The following EML5 variants were observed in gnomAD, a reference collection of about 807,000 sequenced individuals.
EML5 encodes echinoderm microtubule-associated protein-like 5.
In EML5, 120 loss-of-function variants were observed where a neutral mutation model predicts 250.0. The observed-to-expected ratio is 0.48, with a 90% CI of 0.41 to 0.56. The LOEUF (loss-of-function observed/expected upper bound fraction) is 0.56, where lower values mean the gene tolerates loss of function less well. Ranked by LOEUF, EML5 falls within the 20% of genes least tolerant of loss-of-function variation. The pLI is 0.00. For synonymous variants in EML5, 771 were observed against 806.5 expected (o/e 0.96, Z 0.75); for missense variants, 2,006 against 2,437.6 (o/e 0.82, Z 3.73).
At position 88,754,492 on chromosome 14, in the gene EML5, A is replaced by G; in HGVS notation, c.357+20T>C. 6.4e-7 allele frequency: 1 copy of G among 1,562,632 alleles called. No homozygotes were observed. Among genetic ancestry groups the G allele is most frequent in the Non-Finnish European group, 8.6e-7 (1 of 1,161,770 alleles). Reference sequence around the variant, plus strand: ...TACCTTAACATACAATTTAGAAAAAAATGAAAAACTGTCACATACCTGTCC... The same window carrying G: ...TACCTTAACATACAATTTAGAAAAAGATGAAAAACTGTCACATACCTGTCC... On this transcript the variant is annotated intron_variant, in intron 2 of 43. Transcript: ENST00000554922.
rs1361387750 is a variant in EML5, at chr14:88,615,814, T to C, written c.*4A>G. 1 of 1,611,132 alleles carries C rather than the reference T, an allele frequency of 6.2e-7. No homozygotes were observed. The highest frequency in any genetic ancestry group is 1.7e-5 in the Admixed American group (1 of 59,724). ...GTTAATTTCTGTAGTCATCTCAGCA[T>C]CTCTCAGTGAGGTGTATGTACACAT... is the stretch of plus-strand genomic sequence containing the variant. On this transcript the variant is annotated 3_prime_UTR_variant, in exon 44 of 44. Coordinates refer to ENST00000554922, the MANE Select transcript of EML5 (RefSeq NM_183387.3).
At chr14:88,777,827 T>G (rs985545859) in intron 1 of EML5, among the ~76,000 whole-genome samples, 3 of 152,060 alleles carry the variant, frequency 2.0e-5, no homozygotes, top group African/African-American at 7.2e-5. Context: ...CTACAAAAAT[T>G]AGCTGGACAT....
At chr14:88,753,833 G>A (rs1309158780) in intron 2 of EML5, among the ~76,000 whole-genome samples, 1 of 152,006 alleles carries the variant, frequency 6.6e-6, no homozygotes, top group African/African-American at 2.4e-5. Flanking sequence ...AACCTTTAAG[G>A]TAACTGAAAA....
At chr14:88,651,497 G>T (rs2091624570) in intron 27 of EML5, among the ~76,000 whole-genome samples, 1 of 151,728 alleles carries the variant, frequency 6.6e-6, no homozygotes, top group Admixed American at 6.6e-5. Flanking sequence ...GCAGACTACA[G>T]ATTAAAATTA....
chr14:88,664,286 A>G (rs1159319870), intron 23 of EML5, among the ~76,000 whole-genome samples: 5 of 151,518 alleles, frequency 3.3e-5, no homozygotes, highest in Admixed American at 1.3e-4. Flanking sequence ...AAAAAAAAAA[A>G]AAAAGAAAAG....
At chr14:88,696,796 G>T in intron 15 of EML5, 51 bp downstream of exon 15, 1 of 1,303,792 alleles carries the variant, frequency 7.7e-7, no homozygotes, top group Non-Finnish European at 1.1e-6. Flanking sequence ...AAAATGCTAT[G>T]TGTTGCCTCT....
chr14:88,656,126 C>T (rs951600076), intron 27 of EML5, among the ~76,000 whole-genome samples: 7 of 152,116 alleles, frequency 4.6e-5, no homozygotes, highest in African/African-American at 7.2e-5. Flanking sequence ...GGTATATACC[C>T]AAAGGATTAT....
At chr14:88,678,105 G>A (rs1203368768) in intron 21 of EML5, among the ~76,000 whole-genome samples, 2 of 152,202 alleles carry the variant, frequency 1.3e-5, no homozygotes, top group African/African-American at 4.8e-5. Flanking sequence ...GGGATACTAT[G>A]CAGCCATAAA....
At chr14:88,743,102 G>A (rs1278479248) in intron 4 of EML5, among the ~76,000 whole-genome samples, 1 of 152,020 alleles carries the variant, frequency 6.6e-6, no homozygotes, top group Non-Finnish European at 1.5e-5. Flanking sequence ...GCTTTCATAA[G>A]CAAAGTAAAT....
chr14:88,673,068 G>C (rs1436905089), intron 21 of EML5, among the ~76,000 whole-genome samples: 1 of 151,988 alleles, frequency 6.6e-6, no homozygotes, highest in Non-Finnish European at 1.5e-5. Flanking sequence ...ACCAAAACCT[G>C]GCAGAGATGC....
intron 1 of EML5, among the ~76,000 whole-genome samples, chr14:88,774,261 C>T (rs961766499): frequency 1.3e-5 from 2 of 152,248 alleles, no homozygotes; most frequent in Non-Finnish European, 2.9e-5. Context: ...CAGGTGATGC[C>T]GTTGCTAGTC....
At chr14:88,653,074 G>T (rs1398500618) in intron 27 of EML5, among the ~76,000 whole-genome samples, 1 of 152,128 alleles carries the variant, frequency 6.6e-6, no homozygotes, top group Non-Finnish European at 1.5e-5. Context: ...GTGAATGGGA[G>T]TTCACTCATG....
intron 1 of EML5, among the ~76,000 whole-genome samples, chr14:88,761,899 G>C (rs2094249635): frequency 6.6e-6 from 1 of 152,184 alleles, no homozygotes. Context: ...ACTCGTATGA[G>C]ATGATATCAT....
chr14:88,736,629 C>A, intron 6 of EML5, 64 bp from the exon 7 acceptor site: 1 of 1,516,852 alleles, frequency 6.6e-7, no homozygotes, highest in Non-Finnish European at 9.1e-7. Flanking sequence ...AGGAGGCAGA[C>A]AAATCCCTAT....
rs184637773 is a variant in EML5 at position 88,706,573 on chromosome 14, G to A, written c.1658-147C>T. 1.1e-3 allele frequency: 634 copies of A among 590,292 alleles called. 9 individuals are homozygous for A. The East Asian group carries it at 0.019, about 17-fold the overall frequency. 36.6% of individuals were successfully genotyped at this position (590,292 alleles called of 1,614,324 possible). ...ATGCTGACTCAAAAATTGAACAAAT[G>A]AATGAATCTGTATCAAGGAATGCAA... On this transcript the variant is annotated intron_variant, in intron 10 of 43. Transcript: ENST00000554922.
chr14:88,750,298 G>A (rs2094073078), intron 2 of EML5, among the ~76,000 whole-genome samples: 1 of 151,962 alleles, frequency 6.6e-6, no homozygotes, highest in Admixed American at 6.6e-5. Flanking sequence ...ACTTCACAGG[G>A]GTCACTATGA....
intron 21 of EML5, among the ~76,000 whole-genome samples, chr14:88,677,328 A>G (rs564063032): frequency 2.0e-5 from 3 of 152,336 alleles, no homozygotes; most frequent in African/African-American, 7.2e-5. Flanking sequence ...ACTTAAATGT[A>G]AAACCCAAAA....
In EML5 at chr14:88,720,677, T is replaced by C. The variant is rs113517686; in HGVS notation, c.1188-5482A>G. Among the ~76,000 whole-genome samples the C allele has an allele frequency of 3.2e-4, 49 of 152,324 alleles. No homozygotes were observed. In the East Asian group the frequency reaches 5.2e-3, roughly 16 times the overall value. ...AACCCACAGCCAATATCATACTGAATGTGCAAAAGCTGGAAACATTGCCCT... is the reference window on the plus strand; with the variant it reads ...AACCCACAGCCAATATCATACTGAACGTGCAAAAGCTGGAAACATTGCCCT... On this transcript the variant is annotated intron_variant, in intron 8 of 43. Coordinates refer to ENST00000554922, the MANE Select transcript of EML5 (RefSeq NM_183387.3).
intron 30 of EML5, 106 bp downstream of exon 30, chr14:88,644,327 A>G: frequency 1.1e-6 from 1 of 948,502 alleles, no homozygotes. Context: ...AAAAAACAGT[A>G]CTCAAATACA....
Sources: allele counts gnomAD v4.1 joint callset (sites outside exome capture counted in the v4.1 genomes callset), GRCh38; gene constraint gnomAD v4.1.1; transcripts MANE v1.5; gene names NCBI Gene and HGNC (gene_info 2026-07-23, HGNC 2026-07-21).